Variants in ALK observed in about 807,000 individuals in gnomAD.
ALK encodes ALK receptor tyrosine kinase.
A neutral mutation model predicts 163.1 loss-of-function variants in ALK; 74 were observed. The observed-to-expected ratio is 0.45, with a 90% CI of 0.38 to 0.55. The LOEUF (loss-of-function observed/expected upper bound fraction) is 0.55, where lower values mean the gene tolerates loss of function less well. ALK is among the 20% of genes least tolerant of loss of function. The pLI is 0.00. For missense variants in ALK, 2,063 were observed against 2,105.3 expected, an observed-to-expected ratio of 0.98 and a Z score of 0.39; for synonymous variants, 960 against 843.2, an observed-to-expected ratio of 1.14 and a Z score of -2.40.
chr2:29,566,218 T>C (rs1674185175), intron 3 of ALK, among the ~76,000 whole-genome samples: 1 of 152,180 alleles, frequency 6.6e-6, no homozygotes, highest in Non-Finnish European at 1.5e-5. Flanking sequence ...AAATCCTAGT[T>C]AGTCATTAAA....
chr2:29,229,046 C>T lies in ALK; in HGVS notation c.2653G>A (p.Asp885Asn), dbSNP rs925802421. The T allele has an allele frequency of 1.9e-6, 3 of 1,611,594 alleles. No homozygotes were observed. Among genetic ancestry groups the T allele is most frequent in the Admixed American group, 1.7e-5 (1 of 59,786 alleles). Residue 885 changes from aspartate (D) to asparagine (N), a missense_variant, in exon 16 of 29, where the codon GAT becomes AAT. By Grantham distance (23) the Asp-to-Asn change is conservative. Transcript: ENST00000389048. ...CCGGCCCAGAGCAAGGAAGTGTTAT[C>T]ATTCCAGCCACCTCCACCACCTGCG... is the stretch of plus-strand genomic sequence containing the variant. Reference protein sequence around the residue: ...GAAGGGGGWNDNTSLLWAGKS... With the variant: ...GAAGGGGGWNNNTSLLWAGKS...
chr2:29,311,928 G>A (rs1057381428), intron 8 of ALK, among the ~76,000 whole-genome samples: 2 of 152,134 alleles, frequency 1.3e-5, no homozygotes, highest in African/African-American at 4.8e-5. Context: ...ATTGGAGGAG[G>A]GAGCTCCCAT....
chr2:29,250,432 A>G (rs1037843855), intron 12 of ALK, among the ~76,000 whole-genome samples: 1 of 152,188 alleles, frequency 6.6e-6, no homozygotes, highest in East Asian at 1.9e-4. Flanking sequence ...CCACCCGAGA[A>G]CTTGTTAGAA....
chr2:29,875,871 A>G (rs1405698032), intron 1 of ALK, among the ~76,000 whole-genome samples: 1 of 152,178 alleles, frequency 6.6e-6, no homozygotes, highest in Non-Finnish European at 1.5e-5. Context: ...TGCTATTGTA[A>G]ATAGTGCTGC....
intron 3 of ALK, among the ~76,000 whole-genome samples, chr2:29,636,735 C>A (rs986611544): frequency 6.6e-6 from 1 of 152,002 alleles, no homozygotes; most frequent in Non-Finnish European, 1.5e-5. Context: ...ATTTAAAAAC[C>A]TCAAAATTCA....
intron 3 of ALK, among the ~76,000 whole-genome samples, chr2:29,569,407 C>T (rs1009407213): frequency 3.9e-5 from 6 of 152,146 alleles, no homozygotes; most frequent in African/African-American, 1.4e-4. Flanking sequence ...TAATGCATTA[C>T]TTGGGTAAAT....
chr2:29,420,510 T>G (rs1490862086), intron 4 of ALK, among the ~76,000 whole-genome samples: 2 of 151,290 alleles, frequency 1.3e-5, no homozygotes, highest in Non-Finnish European at 2.9e-5. Context: ...CCTTCCAGCC[T>G]CCCCCACCCT....
In ALK at chr2:29,595,425, A is replaced by G. The variant is rs187926838; in HGVS notation, c.953-63309T>C. On this transcript the variant is annotated intron_variant, in intron 3 of 28. Coordinates refer to ENST00000389048, the MANE Select transcript of ALK (RefSeq NM_004304.5). ...AAGCTCTGCCTCCCGGGTTCACGCC[A>G]TTGTCCTGCCTCAGCCTCCCGAGTA... Among the ~76,000 whole-genome samples the G allele has an allele frequency of 6.8e-3, 1,011 of 148,022 alleles. 11 individuals carry two copies. Among genetic ancestry groups the G allele is most frequent in the South Asian group, 0.037 (175 of 4,710 alleles).
intron 1 of ALK, among the ~76,000 whole-genome samples, chr2:29,813,375 C>T (rs190422920): frequency 1.3e-5 from 2 of 152,064 alleles, no homozygotes; most frequent in African/African-American, 4.8e-5. Flanking sequence ...ATGTCACAAG[C>T]TAGAATCTCT....
At chr2:29,482,116 A>G (rs1202300083) in intron 4 of ALK, among the ~76,000 whole-genome samples, 1 of 152,170 alleles carries the variant, frequency 6.6e-6, no homozygotes, top group African/African-American at 2.4e-5. Context: ...CTCTTCCCTC[A>G]AGAAAGGCCT....
chr2:29,250,197 G>A (rs954590134), intron 12 of ALK, among the ~76,000 whole-genome samples: 1 of 152,204 alleles, frequency 6.6e-6, no homozygotes, highest in Non-Finnish European at 1.5e-5. Context: ...ATGCTCCATG[G>A]TGGAGCCACG....
At chr2:29,493,964 G>A (rs375370976) in intron 4 of ALK, among the ~76,000 whole-genome samples, 1 of 152,234 alleles carries the variant, frequency 6.6e-6, no homozygotes, top group Non-Finnish European at 1.5e-5. Flanking sequence ...AGGAGACACA[G>A]TGGGGTGGAT....
At chr2:29,435,545 C>T (rs900641023) in intron 4 of ALK, among the ~76,000 whole-genome samples, 3 of 151,928 alleles carry the variant, frequency 2.0e-5, no homozygotes, top group Admixed American at 6.6e-5. Flanking sequence ...AAATATTACC[C>T]CCTCTCCCAA....
chr2:29,313,378 A>T (rs1666744344), intron 8 of ALK, among the ~76,000 whole-genome samples: 1 of 152,160 alleles, frequency 6.6e-6, no homozygotes, highest in South Asian at 2.1e-4. Context: ...CCTGTAGGTG[A>T]GTGGCAGTGT....
At chr2:29,615,330 A>G (rs1399027618) in intron 3 of ALK, among the ~76,000 whole-genome samples, 2 of 152,124 alleles carry the variant, frequency 1.3e-5, no homozygotes, top group Non-Finnish European at 2.9e-5. Context: ...CTGTTCTTCT[A>G]GTGCAAAGCT....
intron 11 of ALK, among the ~76,000 whole-genome samples, chr2:29,263,837 C>A (rs1460441142): frequency 6.6e-6 from 1 of 152,172 alleles, no homozygotes; most frequent in African/African-American, 2.4e-5. Flanking sequence ...ACTTCTAGGG[C>A]CACTGAATTA....
At chr2:29,323,562 A>T (rs962638086) in intron 6 of ALK, among the ~76,000 whole-genome samples, 1 of 152,236 alleles carries the variant, frequency 6.6e-6, no homozygotes, top group African/African-American at 2.4e-5. Flanking sequence ...AGGCCAGTGG[A>T]CAATTGATGT....
chr2:29,852,832 T>TGCTCTCTCTC (rs1298090937), intron 1 of ALK, among the ~76,000 whole-genome samples: 16 of 148,586 alleles, frequency 1.1e-4, no homozygotes, highest in African/African-American at 3.8e-4. Flanking sequence ...GACCAGAGCT[T>TGCTCTCTCTC]TCTCTCTCTC....
intron 3 of ALK, among the ~76,000 whole-genome samples, chr2:29,571,256 G>A (rs1437347976): frequency 1.3e-5 from 2 of 152,174 alleles, no homozygotes; most frequent in African/African-American, 4.8e-5. Flanking sequence ...CACAGAGGTA[G>A]TTTATAGACT....
Sources: gnomAD v4.1 joint callset for allele counts (sites outside exome capture counted in the v4.1 genomes callset) on GRCh38, gnomAD v4.1.1 for gene constraint, MANE v1.5 for transcripts, NCBI Gene and HGNC (gene_info 2026-07-23, HGNC 2026-07-21) for gene names.